FKBP7: variants seen among roughly 807,000 people sequenced by gnomAD.
The protein encoded by FKBP7 is FKBP prolyl isomerase 7.
A neutral mutation model predicts 24.3 loss-of-function variants in FKBP7; 24 were observed. That is an observed-to-expected ratio of 0.99 (90% CI 0.72 to 1.39). The LOEUF (loss-of-function observed/expected upper bound fraction) is 1.39, where lower values mean the gene tolerates loss of function less well. Ranked by LOEUF, FKBP7 falls within the 40% of genes most tolerant of loss-of-function variation. FKBP7 has a pLI of 0.00. For missense variants in FKBP7, 257 were observed against 269.5 expected (o/e 0.95, Z 0.33); for synonymous variants, 98 against 92.8 (o/e 1.06, Z -0.32).
chr2:178,470,331 G>A (rs1474698981), intron 2 of FKBP7, among the ~76,000 whole-genome samples: 6 of 152,216 alleles, frequency 3.9e-5, no homozygotes, highest in South Asian at 4.1e-4. Context: ...AAAGTACACC[G>A]GAAGATGTCC....
intron 2 of FKBP7, 93 bp from the exon 3 acceptor site, chr2:178,469,878 G>T: frequency 9.8e-7 from 1 of 1,020,488 alleles, no homozygotes; most frequent in Non-Finnish European, 1.3e-6. Flanking sequence ...ATTATTTCAT[G>T]TTGATAAGAA....
intron 2 of FKBP7, chr2:178,473,202 T>G: frequency 1.5e-6 from 1 of 681,560 alleles, no homozygotes. Flanking sequence ...AAATGCTTAT[T>G]TAATCAAGAG....
rs762242677 is a variant in FKBP7, at chr2:178,465,745, A to G, written c.*25T>C. The G allele has an allele frequency of 2.6e-6, 4 of 1,539,016 alleles. No individual in the cohort carries two copies. In the Admixed American group the frequency reaches 8.8e-5, roughly 34 times the overall value. On this transcript the variant is annotated 3_prime_UTR_variant, in exon 4 of 4. Coordinates refer to ENST00000424785, the MANE Select transcript of FKBP7 (RefSeq NM_181342.3). The stretch of plus-strand genomic sequence containing the variant: ...ACATAAAGTACAGTAAATAGCTAAA[A>G]AAAAAAAGTAGAAATACAAATATGC...
intron 2 of FKBP7, among the ~76,000 whole-genome samples, chr2:178,475,237 C>CT (rs1298535640): frequency 4.0e-5 from 6 of 149,114 alleles, no homozygotes; most frequent in Non-Finnish European, 6.0e-5. Context: ...TGCATTTTCA[C>CT]TTTTTTTTTT....
At chr2:178,471,283 CA>C (rs1414847845) in intron 2 of FKBP7, among the ~76,000 whole-genome samples, 1 of 151,658 alleles carries the variant, frequency 6.6e-6, no homozygotes, top group Non-Finnish European at 1.5e-5. Context: ...GATCTCGGCT[CA>C]CTGTAACCTC....
chr2:178,476,304 CTCTT>C (rs1559379038), intron 2 of FKBP7, among the ~76,000 whole-genome samples: 1 of 152,144 alleles, frequency 6.6e-6, no homozygotes. Flanking sequence ...CTTTACTGTT[CTCTT>C]TATTTCATCT....
chr2:178,469,252 CA>C (rs1003689307), intron 3 of FKBP7, among the ~76,000 whole-genome samples: 3 of 152,130 alleles, frequency 2.0e-5, no homozygotes, highest in African/African-American at 7.2e-5. Flanking sequence ...TCCTGTTTAC[CA>C]ACTTTCTAGC....
At position 178,478,403 on chromosome 2, in the gene FKBP7, C is replaced by G; in HGVS notation, c.97G>C (p.Glu33Gln). The change falls in exon 1 of 4, where the codon GAA (glutamate) becomes CAA (glutamine). Residue 33 changes from glutamate to glutamine, a missense_variant. Glu to Gln is a conservative substitution (Grantham distance 29). Transcript: ENST00000424785. Reference protein sequence around the residue: ...AQRQKKEESTEEVKIEVLHRP... With the variant: ...AQRQKKEESTQEVKIEVLHRP... ...TGCAAAACTTCTATTTTCACTTCTT[C>G]GGTGCTCTCCTCTTTCTTTTGTCTC... 6.2e-7 allele frequency: 1 copy of G among 1,614,200 alleles called. No individual in the cohort carries two copies. Among genetic ancestry groups the G allele is most frequent in the Non-Finnish European group, 8.5e-7 (1 of 1,180,036 alleles).
At chr2:178,475,012 A>G (rs756549617) in intron 2 of FKBP7, among the ~76,000 whole-genome samples, 3 of 152,120 alleles carry the variant, frequency 2.0e-5, no homozygotes, top group Non-Finnish European at 2.9e-5. Flanking sequence ...TAACATATTA[A>G]TAAGTATAGC....
intron 1 of FKBP7, among the ~76,000 whole-genome samples, 183 bp downstream of exon 1, chr2:178,478,095 TA>T (rs1403606364): frequency 1.1e-4 from 17 of 152,186 alleles, no homozygotes; most frequent in Admixed American, 1.0e-3. Flanking sequence ...ATACTTTAAA[TA>T]AAAATATTCA....
At chr2:178,472,336 A>G (rs1364596887) in intron 2 of FKBP7, among the ~76,000 whole-genome samples, 1 of 152,022 alleles carries the variant, frequency 6.6e-6, no homozygotes, top group Non-Finnish European at 1.5e-5. Flanking sequence ...CGGCCTCCCA[A>G]AGTGCTAGGA....
rs1195515478 is a variant in FKBP7 at position 178,465,860 on chromosome 2, A to G, written c.579T>C (p.Val193=). The G allele has an allele frequency of 1.2e-6, 2 of 1,612,466 alleles. No individual in the cohort carries two copies. The highest frequency in any genetic ancestry group is 3.3e-5 in the Admixed American group (2 of 59,774). Residue 193 remains valine (V), a synonymous_variant, in exon 4 of 4, where the codon GTT becomes GTC. Transcript: ENST00000424785. ...KPRDKSYQDA[V]LEDIFKKNDH... Reference sequence around the variant, plus strand: ...CATTCTTCTTAAAAATATCTTCTAAAACTGCATCCTGATATGACTTGTCAC... The same window carrying G: ...CATTCTTCTTAAAAATATCTTCTAAGACTGCATCCTGATATGACTTGTCAC...
At chr2:178,472,648 AGAC>A (rs1684880146) in intron 2 of FKBP7, among the ~76,000 whole-genome samples, 1 of 151,884 alleles carries the variant, frequency 6.6e-6, no homozygotes, top group Admixed American at 6.6e-5. Context: ...CAGGAGTTCG[AGAC>A]CAGCCTGGCC....
intron 3 of FKBP7, among the ~76,000 whole-genome samples, chr2:178,466,903 G>A (rs575657579): frequency 6.6e-6 from 1 of 152,292 alleles, no homozygotes; most frequent in Non-Finnish European, 1.5e-5. Context: ...GAAAGCTAGA[G>A]TTTGAGAGGT....
intron 3 of FKBP7, among the ~76,000 whole-genome samples, chr2:178,467,601 C>T (rs1346952322): frequency 6.6e-6 from 1 of 152,056 alleles, no homozygotes; most frequent in Non-Finnish European, 1.5e-5. Flanking sequence ...ATGATTATGG[C>T]CATCAATAAA....
At chr2:178,474,489 C>T (rs1272139263) in intron 2 of FKBP7, among the ~76,000 whole-genome samples, 1 of 152,210 alleles carries the variant, frequency 6.6e-6, no homozygotes, top group Admixed American at 6.5e-5. Context: ...TTCCCAGGAA[C>T]ACTTAATGTC....
Position 178,475,591 on chromosome 2 carries a change from A to T in FKBP7, c.373+1471T>A, listed in dbSNP as rs1297817049. 2.0e-5 allele frequency among the ~76,000 whole-genome samples: 3 copies of T among 152,318 alleles called. No individual in the cohort carries two copies. In the East Asian group the frequency reaches 5.8e-4, roughly 29 times the overall value. On this transcript the variant is annotated intron_variant, in intron 2 of 3. Coordinates refer to ENST00000424785, the MANE Select transcript of FKBP7 (RefSeq NM_181342.3). ...TTGAATGATTTCCATTCCCAGCAAT[A>T]ATGCTGGTTTTTCCATGCTTTTGCC...
intron 3 of FKBP7, among the ~76,000 whole-genome samples, chr2:178,469,425 ACT>A (rs1359902025): frequency 6.6e-6 from 1 of 152,042 alleles, no homozygotes; most frequent in South Asian, 2.1e-4. Flanking sequence ...GATTTTAATG[ACT>A]CTCTTGCAGG....
Position 178,478,502 on chromosome 2 carries a change from G to T in FKBP7, c.-3C>A. On this transcript the variant is annotated 5_prime_UTR_variant, in exon 1 of 4. Transcript: ENST00000424785. ...AAGAAATGCATGGTTTTTGGCATCG[G>T]CTCCAGCAGAACACTGCTCTCCCTC... The T allele has an allele frequency of 6.2e-7, 1 of 1,613,854 alleles. No homozygotes were observed. Among genetic ancestry groups the T allele is most frequent in the African/African-American group, 1.3e-5 (1 of 74,986 alleles).
Sources: gnomAD v4.1 joint callset for allele counts (sites outside exome capture counted in the v4.1 genomes callset) on GRCh38, gnomAD v4.1.1 for gene constraint, MANE v1.5 for transcripts, NCBI Gene and HGNC (gene_info 2026-07-23, HGNC 2026-07-21) for gene names.